The following FGF13 variants were observed in gnomAD, a reference collection of about 807,000 sequenced individuals.
FGF13 encodes the protein fibroblast growth factor homologous factor 2.
A neutral mutation model predicts 19.5 loss-of-function variants in FGF13; 2 were observed. The ratio of observed to expected loss-of-function variants is 0.10; its 90% CI spans 0.04 to 0.32. The LOEUF (loss-of-function observed/expected upper bound fraction) is 0.32, where lower values mean the gene tolerates loss of function less well. Among genes scored for constraint, FGF13 ranks in the 10% least tolerant of loss-of-function variants. The pLI is 1.00. For synonymous variants in FGF13, 72 were observed against 76.9 expected (o/e 0.94, Z 0.33); for missense variants, 113 against 192.7 (o/e 0.59, Z 2.45).
At chrX:138,772,535 G>C (rs747707748) in intron 3 of FGF13, among the ~76,000 whole-genome samples, 1 of 111,455 alleles carries the variant, frequency 9.0e-6, no homozygotes, top group East Asian at 2.8e-4. Context: ...TTGTATGTGA[G>C]TTCTTCAATC....
rs1317691158 is a variant in FGF13 at position 138,622,243 on chromosome X, A to AAAG, written c.*10604_*10606dup. 8.9e-6 allele frequency: 1 copy of AAAG among 111,802 alleles called. No homozygotes were observed. The highest frequency in any genetic ancestry group is 1.9e-5 in the Non-Finnish European group (1 of 53,146). 9.2% of individuals were successfully genotyped at this position (111,802 alleles called of 1,213,427 possible). A position where few individuals can be genotyped will look rare whatever the true frequency, so the allele number is the denominator to read the frequency against. ...CTAAAAGAACTTAACATCACATTAA[A>AAAG]AAGATCATTCACCATAATCAAGTGA... On this transcript the variant is annotated 3_prime_UTR_variant, in exon 5 of 5. Transcript: ENST00000315930.
At chrX:139,141,047 T>TGATAGATGATAGATA (rs1556373057) in intron 1 of FGF13, among the ~76,000 whole-genome samples, 3 of 89,091 alleles carry the variant, frequency 3.4e-5, no homozygotes, top group African/African-American at 1.3e-4. Context: ...ACTAGATAGA[T>TGATAGATGATAGATA]GATAGATAGA....
intron 3 of FGF13, among the ~76,000 whole-genome samples, chrX:138,747,989 G>A (rs1569382487): frequency 9.1e-6 from 1 of 110,463 alleles, no homozygotes. Flanking sequence ...TAACCTGAAG[G>A]GATGGAATGG....
intron 1 of FGF13, among the ~76,000 whole-genome samples, chrX:138,901,287 T>TA (rs1185555174): frequency 1.6e-4 from 18 of 111,848 alleles, no homozygotes; most frequent in African/African-American, 5.9e-4. Flanking sequence ...TCTGGACTGA[T>TA]ACGCATTTAT....
At chrX:138,829,600 A>G (rs2091057652) in intron 3 of FGF13, among the ~76,000 whole-genome samples, 1 of 112,191 alleles carries the variant, frequency 8.9e-6, no homozygotes, top group Non-Finnish European at 1.9e-5. Flanking sequence ...ATAGCAACAC[A>G]AAATGGACTA....
chrX:138,914,874 A>G (rs918171342), intron 1 of FGF13, among the ~76,000 whole-genome samples: 1 of 110,868 alleles, frequency 9.0e-6, no homozygotes, highest in Admixed American at 9.6e-5. Flanking sequence ...ATCACCATCT[A>G]TACTCCACTG....
chrX:138,813,394 C>T (rs1004991928), intron 3 of FGF13, among the ~76,000 whole-genome samples: 2 of 111,563 alleles, frequency 1.8e-5, no homozygotes, highest in African/African-American at 6.5e-5. Context: ...TTGTCCATTC[C>T]TTCATTCTAA....
chrX:138,633,125 T>C (rs1466134134), intron 4 of FGF13, 139 bp from the exon 5 acceptor site: 3 of 516,995 alleles, frequency 5.8e-6, no homozygotes, highest in Non-Finnish European at 8.5e-6. Flanking sequence ...GTTAATTAGC[T>C]TGATTTAGCT....
intron 1 of FGF13, among the ~76,000 whole-genome samples, chrX:139,028,482 T>A (rs1187201652): frequency 1.8e-5 from 2 of 111,109 alleles, no homozygotes; most frequent in Non-Finnish European, 1.9e-5. Context: ...AAAGACTGAA[T>A]GATGATGGTC....
intron 1 of FGF13, among the ~76,000 whole-genome samples, chrX:138,951,115 A>G (rs1013305194): frequency 4.5e-5 from 5 of 111,753 alleles, no homozygotes; most frequent in Non-Finnish European, 9.4e-5. Context: ...AGATCAAGTG[A>G]CTTGCCTAAG....
At position 138,632,902 on chromosome X, in the gene FGF13, A is replaced by G; in HGVS notation, c.686T>C (p.Val229Ala). The G allele has an allele frequency of 8.3e-7, 1 of 1,210,443 alleles. No homozygotes were observed. Among genetic ancestry groups the G allele is most frequent in the African/African-American group, 1.7e-5 (1 of 57,519 alleles). Residue 229 changes from valine (V) to alanine (A), a missense_variant, in exon 5 of 5, where the codon GTC (valine) becomes GCC (alanine). Coordinates refer to ENST00000315930, the MANE Select transcript of FGF13 (RefSeq NM_004114.5). ...GSGTPTKSRS[V>A]SGVLNGGKSM... ...TTTGCCTCCGTTCAGCACGCCAGAGACACTTCTGCTCTTGGTTGGGGTCCC... is the reference window on the plus strand; with the variant it reads ...TTTGCCTCCGTTCAGCACGCCAGAGGCACTTCTGCTCTTGGTTGGGGTCCC...
chrX:138,979,109 A>C (rs1354826488), intron 1 of FGF13, among the ~76,000 whole-genome samples: 1 of 112,102 alleles, frequency 8.9e-6, no homozygotes, highest in East Asian at 2.8e-4. Flanking sequence ...CCATCTTGGC[A>C]TTCTCTATGT....
intron 3 of FGF13, among the ~76,000 whole-genome samples, chrX:138,651,447 TAGCC>T (rs1379176062): frequency 2.7e-5 from 3 of 112,308 alleles, no homozygotes; most frequent in Non-Finnish European, 5.6e-5. Flanking sequence ...TCTCAATATT[TAGCC>T]ACAGTTGCTC....
chrX:138,677,335 A>G (rs2089679811), intron 3 of FGF13, among the ~76,000 whole-genome samples: 1 of 110,104 alleles, frequency 9.1e-6, no homozygotes, highest in Non-Finnish European at 1.9e-5. Context: ...ATGGGATCTA[A>G]TTAAACTAAA....
chrX:138,715,099 G>A (rs1325104157), upstream of FGF13, among the ~76,000 whole-genome samples: 1 of 111,787 alleles, frequency 8.9e-6, no homozygotes, highest in Middle Eastern at 4.2e-3. Context: ...CTAAGGTAGG[G>A]TCTATTCTCC....
chrX:138,978,552 G>A (rs1006538127), intron 1 of FGF13, among the ~76,000 whole-genome samples: 3 of 112,452 alleles, frequency 2.7e-5, no homozygotes, highest in African/African-American at 3.2e-5. Flanking sequence ...GCGAGCCACC[G>A]CGCCCGGCCC....
chrX:138,636,088 T>C (rs945944666), intron 3 of FGF13, among the ~76,000 whole-genome samples: 2 of 112,354 alleles, frequency 1.8e-5, no homozygotes, highest in African/African-American at 3.2e-5. Context: ...TTATACACTA[T>C]GGTTGTCAAT....
At chrX:138,754,357 A>G (rs2090418514) in intron 3 of FGF13, among the ~76,000 whole-genome samples, 1 of 111,468 alleles carries the variant, frequency 9.0e-6, no homozygotes, top group African/African-American at 3.3e-5. Context: ...GAAAAAATAA[A>G]TGGATATGAG....
intron 1 of FGF13, among the ~76,000 whole-genome samples, chrX:139,081,130 C>T (rs765045502): frequency 3.6e-5 from 4 of 110,850 alleles, no homozygotes; most frequent in East Asian, 2.8e-4. Flanking sequence ...ATGCCCCCCA[C>T]GCCCTGCCAA....
Sources: allele counts gnomAD v4.1 joint callset (sites outside exome capture counted in the v4.1 genomes callset), GRCh38; gene constraint gnomAD v4.1.1; transcripts MANE v1.5; gene names NCBI Gene and HGNC (gene_info 2026-07-23, HGNC 2026-07-21).